The following CELF2 variants were observed in gnomAD, a reference collection of about 807,000 sequenced individuals.
CELF2 encodes the protein CUG triplet repeat RNA-binding protein 2.
Under a neutral mutation model 62.6 loss-of-function variants are expected in CELF2, and 8 were observed. That is an observed-to-expected ratio of 0.13 (90% CI 0.07 to 0.23). The LOEUF is 0.23. CELF2 is among the 10% of genes least tolerant of loss of function. The pLI is 1.00. For missense variants in CELF2, 333 were observed against 671.0 expected (o/e 0.50, Z 5.56); for synonymous variants, 258 against 250.0 (o/e 1.03, Z -0.30).
chr10:10,832,582 G>A (rs1038614516), intron 1 of CELF2, among the ~76,000 whole-genome samples: 3 of 152,192 alleles, frequency 2.0e-5, no homozygotes, highest in Non-Finnish European at 4.4e-5. Context: ...AGTGATGATA[G>A]CTTTGTGAAG....
At chr10:10,533,664 A>G in the CELF2 span, among the ~76,000 whole-genome samples, 1 of 152,220 alleles carries the variant, frequency 6.6e-6, no homozygotes. Flanking sequence ...CAGAGAAGGA[A>G]TCCTCGCACA....
At chr10:11,094,156 G>A (rs1469296692) in intron 1 of CELF2, among the ~76,000 whole-genome samples, 1 of 152,138 alleles carries the variant, frequency 6.6e-6, no homozygotes, top group Non-Finnish European at 1.5e-5. Context: ...ACATGTCTTT[G>A]TGGCAAATTA....
chr10:10,925,462 G>A (rs758709991), intron 2 of CELF2, among the ~76,000 whole-genome samples: 1 of 151,966 alleles, frequency 6.6e-6, no homozygotes, highest in East Asian at 1.9e-4. Context: ...CCTTGGTTGT[G>A]GGAGAAAACA....
At chr10:10,867,527 A>T (rs1384269161) in intron 1 of CELF2, among the ~76,000 whole-genome samples, 1 of 152,166 alleles carries the variant, frequency 6.6e-6, no homozygotes, top group African/African-American at 2.4e-5. Flanking sequence ...CTTCTTTCAT[A>T]TCGCTAATCT....
intron 1 of CELF2, among the ~76,000 whole-genome samples, chr10:11,024,459 G>T (rs1261207984): frequency 2.0e-5 from 3 of 152,020 alleles, no homozygotes; most frequent in Non-Finnish European, 2.9e-5. Flanking sequence ...AAATTAGTTC[G>T]CCGTGGTTTC....
rs182722474 is a variant in CELF2 at position 11,258,560 on chromosome 10, T to A, written c.538+688T>A. Among the ~76,000 whole-genome samples the A allele has an allele frequency of 2.3e-3, 355 of 152,332 alleles. 2 individuals carry two copies. The highest frequency in any genetic ancestry group is 8.1e-3 in the African/African-American group (337 of 41,576). On this transcript the variant is annotated intron_variant, in intron 5 of 12. Coordinates refer to ENST00000633077, the MANE Select transcript of CELF2 (RefSeq NM_001326342.2). ...TTACAGAATAGTTGGAAATCACTGT[T>A]GTTTTCCCTGTTTGCCTCTCCCTTG... is the stretch of plus-strand genomic sequence containing the variant.
In CELF2 at chr10:11,305,364, G is replaced by C. The variant is rs1243479855; in HGVS notation, c.977-8775G>C. 1.3e-5 allele frequency among the ~76,000 whole-genome samples: 2 copies of C among 152,230 alleles called. No homozygotes were observed. The highest frequency in any genetic ancestry group is 1.3e-4 in the Admixed American group (2 of 15,290). ...GGAGTCCTCATGCCCACACCTGGGT[G>C]CCGGCGCCCATCCTGCATCCCTCAC... is the stretch of plus-strand genomic sequence containing the variant. On this transcript the variant is annotated intron_variant, in intron 9 of 12. Coordinates refer to ENST00000633077, the MANE Select transcript of CELF2 (RefSeq NM_001326342.2). The surrounding 1 kb of genome is among the most constrained non-coding windows in gnomAD (Gnocchi z 4.8).
chr10:10,872,668 C>CAA lies in CELF2; in HGVS notation c.54-47295_54-47294dup, dbSNP rs148468448. Among the ~76,000 whole-genome samples the CAA allele has an allele frequency of 3.4e-3, 504 of 150,084 alleles. 4 individuals are homozygous for CAA. The highest frequency in any genetic ancestry group is 9.0e-3 in the African/African-American group (362 of 40,250). On this transcript the variant is annotated intron_variant, in intron 1 of 13. Coordinates refer to the CELF2 transcript ENST00000636488. ...ACCCACAGAAGCAAAACAACAACAA[C>CAA]AACAACAAAAAACTGCAAAAATTTT...
intron 2 of CELF2, among the ~76,000 whole-genome samples, chr10:10,979,419 C>T (rs1717946814): frequency 6.6e-6 from 1 of 152,082 alleles, no homozygotes; most frequent in South Asian, 2.1e-4. Context: ...GCCTGTAATC[C>T]CAGCACTTTG....
At chr10:11,030,328 T>A (rs1238493308) in intron 1 of CELF2, 1 of 152,202 alleles carries the variant, frequency 6.6e-6, no homozygotes, top group Non-Finnish European at 1.5e-5. Context: ...CAAATGAGGA[T>A]ATTGAGGTTC....
chr10:10,517,989 AT>A, the CELF2 span, among the ~76,000 whole-genome samples: 1 of 152,116 alleles, frequency 6.6e-6, no homozygotes, highest in Admixed American at 6.5e-5. Context: ...GCTGGATTTC[AT>A]TTCCATTGAA....
the CELF2 span, among the ~76,000 whole-genome samples, chr10:10,602,059 G>A: frequency 6.6e-6 from 1 of 152,152 alleles, no homozygotes; most frequent in East Asian, 1.9e-4. Context: ...TCCCTGCAAA[G>A]GACATGATCT....
rs1565542882 is a variant in CELF2 at position 11,249,162 on chromosome 10, C to A, written c.364C>A (p.Pro122Thr). The A allele has an allele frequency of 6.2e-7, 1 of 1,613,428 alleles. No homozygotes were observed. The highest frequency in any genetic ancestry group is 8.5e-7 in the Non-Finnish European group (1 of 1,179,326). ...NIKTLPGMHH[P>T]IQMKPADSEK... ...CCTTTTGTGTTTTTAGATGCATCAT[C>A]CCATTCAGATGAAACCTGCAGATAG... Residue 122 changes from proline to threonine, a missense_variant, in exon 4 of 13, where the codon CCC (proline) becomes ACC (threonine). Physicochemically the swap from Pro to Thr is conservative, Grantham distance 38. Transcript: ENST00000633077.
intron 2 of CELF2, among the ~76,000 whole-genome samples, chr10:10,989,537 A>G (rs748355869): frequency 1.2e-4 from 19 of 152,136 alleles, no homozygotes; most frequent in Non-Finnish European, 2.1e-4. Context: ...ACCTTACACC[A>G]TGAACCAAAA....
the CELF2 span, among the ~76,000 whole-genome samples, chr10:10,484,525 C>A: frequency 1.3e-5 from 2 of 150,704 alleles, no homozygotes; most frequent in Non-Finnish European, 2.9e-5. Context: ...CCATGTTGGC[C>A]AGGCTGGTCT....
chr10:10,785,556 G>C, the CELF2 span, among the ~76,000 whole-genome samples: 10 of 152,152 alleles, frequency 6.6e-5, no homozygotes, highest in African/African-American at 2.4e-4. Flanking sequence ...AAAAGAAGGA[G>C]ATCCTGTTAT....
chr10:10,472,100 A>G, the CELF2 span, among the ~76,000 whole-genome samples: 1 of 151,798 alleles, frequency 6.6e-6, no homozygotes, highest in African/African-American at 2.4e-5. Flanking sequence ...GTTCTGTTTG[A>G]CATTCATTAA....
the CELF2 span, among the ~76,000 whole-genome samples, chr10:10,761,302 G>A: frequency 1.3e-5 from 2 of 152,136 alleles, no homozygotes; most frequent in Non-Finnish European, 2.9e-5. Context: ...GAATACCTGA[G>A]GAAGAAATAA....
chr10:10,707,007 G>A, the CELF2 span, among the ~76,000 whole-genome samples: 4 of 152,088 alleles, frequency 2.6e-5, no homozygotes, highest in East Asian at 1.9e-4. Context: ...CCCACTACTC[G>A]GATTTCATCT....
Sources: allele counts gnomAD v4.1 joint callset (sites outside exome capture counted in the v4.1 genomes callset), GRCh38; gene constraint gnomAD v4.1.1; non-coding constraint Gnocchi (gnomAD v3.1); transcripts MANE v1.5; gene names NCBI Gene and HGNC (gene_info 2026-07-23, HGNC 2026-07-21).